The following NYNRIN variants were observed in gnomAD, a reference collection of about 807,000 sequenced individuals.
NYNRIN encodes protein NYNRIN.
NYNRIN carries 86 observed loss-of-function variants against 146.6 expected under a neutral mutation model. The ratio of observed to expected loss-of-function variants is 0.59; its 90% CI spans 0.49 to 0.70. NYNRIN has a LOEUF of 0.70. Among genes scored for constraint, NYNRIN ranks in the 30% least tolerant of loss-of-function variants. NYNRIN has a pLI of 0.00. For missense variants in NYNRIN, 2,191 were observed against 2,377.7 expected (o/e 0.92, Z 1.63); for synonymous variants, 1,027 against 1,001.3 (o/e 1.03, Z -0.48).
chr14:24,417,517 C>T lies in NYNRIN; in HGVS notation c.*71C>T. 1 of 1,422,528 alleles carries T rather than the reference C, an allele frequency of 7.0e-7. No individual in the cohort carries two copies. Among genetic ancestry groups the T allele is most frequent in the South Asian group, 1.6e-5 (1 of 62,168 alleles). The allele number at this position is 1,422,528 out of a possible 1,614,324, so 88.1% of individuals were successfully genotyped here. A position where few individuals can be genotyped will look rare whatever the true frequency, so the allele number is the denominator to read the frequency against. ...GCTGCTAGGCCTCCCCCTGTCCCAG[C>T]AGTGCTCTCAGTCCACTGGGGGCCC... On this transcript the variant is annotated 3_prime_UTR_variant, in exon 9 of 9. Transcript: ENST00000382554.
Position 24,416,271 on chromosome 14 carries a change from A to G in NYNRIN, c.4522A>G (p.Ser1508Gly), listed in dbSNP as rs1438887159. 4 of 1,613,926 alleles carry G rather than the reference A, an allele frequency of 2.5e-6. No homozygotes were observed. The South Asian group carries it at 3.3e-5, about 13-fold the overall frequency. ...GAAACTGTCTGGCTCCTCACCGTTTAGTTCTGCCTTTAACTCACTCAGCCT... is the reference window on the plus strand; with the variant it reads ...GAAACTGTCTGGCTCCTCACCGTTTGGTTCTGCCTTTAACTCACTCAGCCT... ...GQKLSGSSPFSSAFNSLSLDK... is the reference protein window; with the variant it reads ...GQKLSGSSPFGSAFNSLSLDK... The change falls in exon 9 of 9, where the codon AGT (serine) becomes GGT (glycine). Residue 1508 changes from serine to glycine, a missense_variant. Physicochemically the swap from Ser to Gly is moderately conservative, Grantham distance 56. Transcript: ENST00000382554.
Position 24,413,023 on chromosome 14 carries a change from C to T in NYNRIN, c.2669C>T (p.Thr890Ile), listed in dbSNP as rs2042922020. The stretch of plus-strand genomic sequence containing the variant: ...TTCATGGTAAAGCTGGCAGAGGAGA[C>T]AGATGGCATCATTGTCACCAATGAG... ...YRFMVKLAEE[T>I]DGIIVTNEQI... is the part of the protein sequence containing the mutation. The change falls in exon 7 of 9, where the codon ACA becomes ATA. Residue 890 changes from threonine to isoleucine, a missense_variant. Physicochemically the swap from Thr to Ile is moderately conservative, Grantham distance 89. Around this residue, in one of 3 missense-constraint regions of NYNRIN, gnomAD observed 1,291 missense variants for 1,417.0 expected, o/e 0.91. Coordinates refer to ENST00000382554, the MANE Select transcript of NYNRIN (RefSeq NM_025081.3). 5 of 1,600,630 alleles carry T rather than the reference C, an allele frequency of 3.1e-6. No individual in the cohort carries two copies. The highest frequency in any genetic ancestry group is 4.3e-6 in the Non-Finnish European group (5 of 1,173,548).
chr14:24,410,281 T>C (rs1352193357), intron 4 of NYNRIN, 73 bp downstream of exon 4: 1 of 1,273,752 alleles, frequency 7.9e-7, no homozygotes, highest in African/African-American at 1.5e-5. Flanking sequence ...GGGGACAGAA[T>C]GTGGGCATCC....
rs781067103 is a variant in NYNRIN, at chr14:24,410,128, C to T, written c.2334C>T (p.Pro778=). 20 of 1,613,856 alleles carry T rather than the reference C, an allele frequency of 1.2e-5. No homozygotes were observed. The highest frequency in any genetic ancestry group is 1.6e-5 in the Non-Finnish European group (19 of 1,179,828). Reference sequence around the variant, plus strand: ...GGTACCACGAGGCCCTGAATACACCCTTCGAGCTGAACCTGTCAGGGGAAC... The same window carrying T: ...GGTACCACGAGGCCCTGAATACACCTTTCGAGCTGAACCTGTCAGGGGAAC... ...FQRYHEALNT[P]FELNLSGEPG... The change falls in exon 4 of 9, where the codon CCC becomes CCT. Residue 778 remains proline, a synonymous_variant. Coordinates refer to ENST00000382554, the MANE Select transcript of NYNRIN (RefSeq NM_025081.3).
At position 24,399,414 on chromosome 14, in the gene NYNRIN, G is replaced by T; in HGVS notation, c.168G>T (p.Glu56Asp). Residue 56 changes from glutamate to aspartate, a missense_variant, in exon 2 of 9, where the codon GAG becomes GAT. By Grantham distance (45) the Glu-to-Asp change is conservative. Transcript: ENST00000382554. ...PDTPYFWLQL[E>D]GPRENMGKAK... Reference sequence around the variant, plus strand: ...CCCCCTACTTCTGGCTACAGCTCGAGGGGCCCCGAGAGAACATGGGCAAAG... The same window carrying T: ...CCCCCTACTTCTGGCTACAGCTCGATGGGCCCCGAGAGAACATGGGCAAAG... The T allele has an allele frequency of 1.9e-6, 3 of 1,613,108 alleles. No homozygotes were observed. The highest frequency in any genetic ancestry group is 2.5e-6 in the Non-Finnish European group (3 of 1,179,540).
In NYNRIN at chr14:24,414,818, G is replaced by T; in HGVS notation, c.3069G>T (p.Leu1023=). 6.2e-7 allele frequency: 1 copy of T among 1,613,694 alleles called. No homozygotes were observed. Among genetic ancestry groups the T allele is most frequent in the Non-Finnish European group, 8.5e-7 (1 of 1,179,746 alleles). The change falls in exon 9 of 9, where the codon CTG becomes CTT. Residue 1023 remains leucine (L), a synonymous_variant. Coordinates refer to ENST00000382554, the MANE Select transcript of NYNRIN (RefSeq NM_025081.3). ...AGGAGGACGACCTTGACTCTTCGCT[G>T]GCGTCAGTGTTCAGGGTGGAGTGCC... ...AAEEDDLDSS[L]ASVFRVECPS... is the part of the protein sequence containing the mutation.
In NYNRIN at chr14:24,415,670, C is replaced by T. The variant is rs747192531; in HGVS notation, c.3921C>T (p.Phe1307=). 2.9e-5 allele frequency: 47 copies of T among 1,613,908 alleles called. No individual in the cohort carries two copies. Among genetic ancestry groups the T allele is most frequent in the Middle Eastern group, 1.6e-4 (1 of 6,084 alleles). The change falls in exon 9 of 9, where the codon TTC becomes TTT. Residue 1307 remains phenylalanine (F), a synonymous_variant. Transcript: ENST00000382554. ...CGCCTTTCTCTGACCTGTCCACGTT[C>T]GTCTGCATCCACATGTCGGGCTACT... ...VLPPFSDLST[F]VCIHMSGYCF... is the part of the protein sequence containing the mutation.
At position 24,412,978 on chromosome 14, in the gene NYNRIN, A is replaced by G; in HGVS notation, c.2643-19A>G. On this transcript the variant is annotated intron_variant, in intron 6 of 8. Transcript: ENST00000382554. ...GGGGCTAGTTACTGGGTCATTAGTG[A>G]CTTCCCCTCTCCCTGCAGGTTCATG... 1 of 1,548,102 alleles carries G rather than the reference A, an allele frequency of 6.5e-7. No homozygotes were observed.
chr14:24,415,170 C>T lies in NYNRIN; in HGVS notation c.3421C>T (p.Leu1141=). ...DQEHEEAFLA[L]KRALVSALCL... Reference sequence around the variant, plus strand: ...GGAGCATGAGGAGGCCTTCCTGGCCCTGAAGCGAGCCCTGGTGTCTGCCCT... The same window carrying T: ...GGAGCATGAGGAGGCCTTCCTGGCCTTGAAGCGAGCCCTGGTGTCTGCCCT... The change falls in exon 9 of 9, where the codon CTG becomes TTG. Residue 1141 remains leucine (L), a synonymous_variant. Coordinates refer to ENST00000382554, the MANE Select transcript of NYNRIN (RefSeq NM_025081.3). The T allele has an allele frequency of 1.9e-6, 3 of 1,607,532 alleles. No homozygotes were observed. Among genetic ancestry groups the T allele is most frequent in the Non-Finnish European group, 2.5e-6 (3 of 1,179,370 alleles).
At position 24,415,761 on chromosome 14, in the gene NYNRIN, C is replaced by T. The variant is rs757771394; in HGVS notation, c.4012C>T (p.Pro1338Ser). The change falls in exon 9 of 9, where the codon CCT becomes TCT. Residue 1338 changes from proline (P) to serine (S), a missense_variant. By Grantham distance (74) the Pro-to-Ser change is moderately conservative. Coordinates refer to ENST00000382554, the MANE Select transcript of NYNRIN (RefSeq NM_025081.3). ...CTATGTTCTATCGCCCACCAGCCCC[C>T]CTGTCTCCCTTTCCTTCTCCTGCTC... ...GLYVLSPTSP[P>S]VSLSFSCSPY... 3 of 1,613,864 alleles carry T rather than the reference C, an allele frequency of 1.9e-6. No homozygotes were observed. The highest frequency in any genetic ancestry group is 8.5e-7 in the Non-Finnish European group (1 of 1,179,880).
At chr14:24,413,465 C>G in intron 8 of NYNRIN, 48 bp downstream of exon 8, 1 of 1,301,908 alleles carries the variant, frequency 7.7e-7, no homozygotes, top group East Asian at 2.4e-5. Flanking sequence ...TGGGGCTGAT[C>G]GGAAACTTCC....
chr14:24,417,051 C>T lies in NYNRIN; in HGVS notation c.5302C>T (p.Leu1768Phe), dbSNP rs776449975. The T allele has an allele frequency of 1.9e-6, 3 of 1,611,588 alleles. No individual in the cohort carries two copies. Among genetic ancestry groups the T allele is most frequent in the Non-Finnish European group, 2.5e-6 (3 of 1,178,510 alleles). Residue 1768 changes from leucine (L) to phenylalanine (F), a missense_variant, in exon 9 of 9, where the codon CTC (leucine) becomes TTC (phenylalanine). Leu to Phe is a conservative substitution (Grantham distance 22). This residue lies in a region of NYNRIN where 1,291 missense variants were observed against 1,417.0 expected (regional missense o/e 0.91). Coordinates refer to ENST00000382554, the MANE Select transcript of NYNRIN (RefSeq NM_025081.3). ...FKVLTGGESRLTEPLWWEMSS... is the reference protein window; with the variant it reads ...FKVLTGGESRFTEPLWWEMSS... ...GGTCCTGACCGGGGGTGAGTCAAGG[C>T]TCACGGAGCCCCTGTGGTGGGAGAT...
At position 24,416,893 on chromosome 14, in the gene NYNRIN, G is replaced by A; in HGVS notation, c.5144G>A (p.Ser1715Asn). The change falls in exon 9 of 9, where the codon AGC becomes AAC. Residue 1715 changes from serine (S) to asparagine (N), a missense_variant. This residue lies in a region of NYNRIN where 1,291 missense variants were observed against 1,417.0 expected (regional missense o/e 0.91). Transcript: ENST00000382554. ...SRDLQFPCLT[S>N]SGAYWEFKRA... ...GACCTCCAGTTCCCCTGCCTGACGA[G>A]CTCAGGGGCCTACTGGGAATTCAAG... 6.2e-7 allele frequency: 1 copy of A among 1,605,964 alleles called. No homozygotes were observed.
In NYNRIN at chr14:24,417,547, T is replaced by C. The variant is rs576115602; in HGVS notation, c.*101T>C. Reference sequence around the variant, plus strand: ...CTCTCAGTCCACTGGGGGCCCTCAGTTGTGCCTTTTGTAGAGAACTTGCTT... The same window carrying C: ...CTCTCAGTCCACTGGGGGCCCTCAGCTGTGCCTTTTGTAGAGAACTTGCTT... On this transcript the variant is annotated 3_prime_UTR_variant, in exon 9 of 9. Coordinates refer to ENST00000382554, the MANE Select transcript of NYNRIN (RefSeq NM_025081.3). The C allele has an allele frequency of 7.3e-5, 100 of 1,379,106 alleles. No individual in the cohort carries two copies. In the African/African-American group the frequency reaches 1.4e-3, roughly 19 times the overall value. The allele number at this position is 1,379,106 out of a possible 1,614,324, so 85.4% of individuals were successfully genotyped here.
Position 24,399,180 on chromosome 14 carries a change from G to A in NYNRIN, c.-17-50G>A, listed in dbSNP as rs2042823605. The A allele has an allele frequency of 2.7e-6, 4 of 1,492,670 alleles. No homozygotes were observed. The South Asian group carries it at 3.6e-5, about 13-fold the overall frequency. 92.5% of individuals were successfully genotyped at this position (1,492,670 alleles called of 1,614,324 possible). On this transcript the variant is annotated intron_variant, in intron 1 of 8. Transcript: ENST00000382554. ...TAGGCGCCTGGGGCTGGGGGCTGGG[G>A]CGCCTGCCGCCCCGAGACCCGGGTG... is the stretch of plus-strand genomic sequence containing the variant.
rs1345997753 is a variant in NYNRIN, at chr14:24,411,198, G to A, written c.2537G>A (p.Arg846Lys). ...VPTWQLKKNR[R>K]VRESHFLTKL... ...ACCTGGCAGCTGAAGAAGAACCGGA[G>A]GGTGAGAGGTGAGGTGTCCCCTGCC... Residue 846 changes from arginine (R) to lysine (K), a missense_variant, in exon 5 of 9, where the codon AGG (arginine) becomes AAG (lysine). Around this residue, in one of 3 missense-constraint regions of NYNRIN, gnomAD observed 1,291 missense variants for 1,417.0 expected, o/e 0.91. Transcript: ENST00000382554. This position sits in a 1 kb window ranked among gnomAD's most constrained non-coding sequence, Gnocchi z 4.3. 6 of 1,605,258 alleles carry A rather than the reference G, an allele frequency of 3.7e-6. No homozygotes were observed. The highest frequency in any genetic ancestry group is 5.1e-6 in the Non-Finnish European group (6 of 1,175,628).
At chr14:24,412,372 G>C (rs1303941773) in intron 6 of NYNRIN, among the ~76,000 whole-genome samples, 1 of 152,204 alleles carries the variant, frequency 6.6e-6, no homozygotes, top group East Asian at 1.9e-4. Flanking sequence ...GGTAGCCTTT[G>C]CTTTCTTTCC....
rs1292061201 is a variant in NYNRIN, at chr14:24,409,117, A to G, written c.1323A>G (p.Glu441=). 22 of 1,613,712 alleles carry G rather than the reference A, an allele frequency of 1.4e-5. No individual in the cohort carries two copies. Among genetic ancestry groups the G allele is most frequent in the Non-Finnish European group, 1.7e-5 (20 of 1,179,846 alleles). The change falls in exon 4 of 9, where the codon GAA becomes GAG. Residue 441 remains glutamate (E), a synonymous_variant. Transcript: ENST00000382554. ...AGRPDGGLGG[E]AALQNCPRPE... ...GACCAGATGGGGGGCTGGGAGGAGA[A>G]GCAGCCCTGCAGAATTGCCCAAGGC...
At chr14:24,399,779 C>T (rs1046280123) in intron 2 of NYNRIN, among the ~76,000 whole-genome samples, 1 of 152,282 alleles carries the variant, frequency 6.6e-6, no homozygotes, top group East Asian at 1.9e-4. Flanking sequence ...CCCACTTTTC[C>T]ATCTGGGGAG....
Sources: allele counts gnomAD v4.1 joint callset (sites outside exome capture counted in the v4.1 genomes callset), GRCh38; gene constraint gnomAD v4.1.1; regional missense constraint gnomAD v4.1.1; non-coding constraint Gnocchi (gnomAD v3.1); transcripts MANE v1.5; gene names NCBI Gene and HGNC (gene_info 2026-07-23, HGNC 2026-07-21).